Variants in PAQR4 observed in about 807,000 individuals in gnomAD.
The protein encoded by PAQR4 is progestin and adipoQ receptor family member 4.
Under a neutral mutation model 20.9 loss-of-function variants are expected in PAQR4, and 26 were observed. The ratio of observed to expected loss-of-function variants is 1.24; its 90% CI spans 0.91 to 1.73. The LOEUF is 1.73. Among genes scored for constraint, PAQR4 ranks in the 40% most tolerant of loss-of-function variants. PAQR4 has a pLI of 0.00. For synonymous variants in PAQR4, 193 were observed against 171.6 expected, an observed-to-expected ratio of 1.12 and a Z score of -0.97; for missense variants, 400 against 380.1, an observed-to-expected ratio of 1.05 and a Z score of -0.44.
In PAQR4 at chr16:2,971,606, C is replaced by T. The variant is rs774764936; in HGVS notation, c.480C>T (p.Ala160=). 5.6e-6 allele frequency: 9 copies of T among 1,603,174 alleles called. No individual in the cohort carries two copies. The East Asian group carries it at 6.7e-5, about 12-fold the overall frequency. The change falls in exon 3 of 3, where the codon GCC becomes GCT. Residue 160 remains alanine, a synonymous_variant. Coordinates refer to ENST00000318782, the MANE Select transcript of PAQR4 (RefSeq NM_152341.5). ...LVGYTVLSGV[A]GWRALTAPST... The stretch of plus-strand genomic sequence containing the variant: ...GCTACACTGTGTTGTCGGGTGTGGC[C>T]GGCTGGCGTGCTCTCACCGCCCCCT...
rs771612587 is a variant in PAQR4 at position 2,971,159 on chromosome 16, C to T, written c.169C>T (p.Leu57=). The change falls in exon 2 of 3, where the codon CTG becomes TTG. Residue 57 remains leucine, a splice_region_variant and synonymous_variant. Coordinates refer to ENST00000318782, the MANE Select transcript of PAQR4 (RefSeq NM_152341.5). Reference sequence around the variant, plus strand: ...TAGATGACTGTCTCCCTCCCTAGGGCTGGCCCTGCTGGGCTTCCTGGTGCT... The same window carrying T: ...TAGATGACTGTCTCCCTCCCTAGGGTTGGCCCTGCTGGGCTTCCTGGTGCT... The part of the protein sequence containing the change: ...NELGNIYTHG[L]ALLGFLVLVP... The T allele has an allele frequency of 1.9e-6, 3 of 1,613,060 alleles. No individual in the cohort carries two copies. The East Asian group carries it at 6.7e-5, about 36-fold the overall frequency.
In PAQR4 at chr16:2,972,888, G is replaced by A; in HGVS notation, c.*940G>A. The A allele has an allele frequency of 1.3e-6, 2 of 1,545,866 alleles. No homozygotes were observed. Among genetic ancestry groups the A allele is most frequent in the South Asian group, 2.4e-5 (2 of 84,448 alleles). On this transcript the variant is annotated 3_prime_UTR_variant, in exon 3 of 3. Coordinates refer to ENST00000318782, the MANE Select transcript of PAQR4 (RefSeq NM_152341.5). ...CCATGGGAGTTCCCGAGGGGCCCCA[G>A]CTTTCAAGGGCGACGGGAGAGACAC...
At position 2,972,135 on chromosome 16, in the gene PAQR4, C is replaced by T. The variant is rs956365100; in HGVS notation, c.*187C>T. On this transcript the variant is annotated 3_prime_UTR_variant, in exon 3 of 3. Transcript: ENST00000318782. ...CACCCACGCCGTGGCGCTCCAACTTCCTTCCCTGCCTTTTCCCTCCAAGCT... is the reference window on the plus strand; with the variant it reads ...CACCCACGCCGTGGCGCTCCAACTTTCTTCCCTGCCTTTTCCCTCCAAGCT... 1 of 605,814 alleles carries T rather than the reference C, an allele frequency of 1.7e-6. No homozygotes were observed. The allele number at this position is 605,814 out of a possible 1,614,324, so 37.5% of individuals were successfully genotyped here. A position where few individuals can be genotyped will look rare whatever the true frequency, so the allele number is the denominator to read the frequency against.
rs1254779721 is a variant in PAQR4 at position 2,971,988 on chromosome 16, A to G, written c.*40A>G. The G allele has an allele frequency of 6.6e-7, 1 of 1,508,434 alleles. No individual in the cohort carries two copies. The highest frequency in any genetic ancestry group is 8.8e-7 in the Non-Finnish European group (1 of 1,132,524). 93.4% of individuals were successfully genotyped at this position (1,508,434 alleles called of 1,614,324 possible). A position where few individuals can be genotyped will look rare whatever the true frequency, so the allele number is the denominator to read the frequency against. On this transcript the variant is annotated 3_prime_UTR_variant, in exon 3 of 3. Coordinates refer to ENST00000318782, the MANE Select transcript of PAQR4 (RefSeq NM_152341.5). ...CTGCCCACAGCAGCCTCCTAGAGTT[A>G]GCAACACCAGGTGTTCCTCCCAACT...
chr16:2,972,956 G>T lies in PAQR4; in HGVS notation c.*1008G>T. The T allele has an allele frequency of 6.2e-7, 1 of 1,604,002 alleles. No homozygotes were observed. Among genetic ancestry groups the T allele is most frequent in the Non-Finnish European group, 8.5e-7 (1 of 1,175,968 alleles). On this transcript the variant is annotated 3_prime_UTR_variant, in exon 3 of 3. Transcript: ENST00000318782. ...GTGCAGAGGCAGAGTCTGGGGCTCA[G>T]GTTGGGTCTAGGGTGTCCTCAAACA...
Position 2,971,201 on chromosome 16 carries a change from C to G in PAQR4, c.211C>G (p.Pro71Ala). ...GFLVLVPMTM[P>A]WGQLGKDGWL... is the part of the protein sequence containing the mutation. ...CCTGGTGCTGGTGCCAATGACCATG[C>G]CCTGGGGTCAGCTGGGCAAGGATGG... Residue 71 changes from proline to alanine, a missense_variant, in exon 2 of 3, where the codon CCC (proline) becomes GCC (alanine). By Grantham distance (27) the Pro-to-Ala change is conservative (BLOSUM62 -1). Coordinates refer to ENST00000318782, the MANE Select transcript of PAQR4 (RefSeq NM_152341.5). 1 of 1,613,406 alleles carries G rather than the reference C, an allele frequency of 6.2e-7. No individual in the cohort carries two copies. The highest frequency in any genetic ancestry group is 8.5e-7 in the Non-Finnish European group (1 of 1,180,006).
chr16:2,969,971 C>G, intron 1 of PAQR4, 131 bp downstream of exon 1: 1 of 1,216,466 alleles, frequency 8.2e-7, no homozygotes, highest in Admixed American at 2.8e-5. Context: ...CCGCCAGTAG[C>G]CGCGGTGACA....
In PAQR4 at chr16:2,971,352, G is replaced by T. The variant is rs1277632234; in HGVS notation, c.362G>T (p.Cys121Phe). Reference protein sequence around the residue: ...VYARLLALDMCGVCLVNTLGA... With the variant: ...VYARLLALDMFGVCLVNTLGA... ...GCCCGGCTCCTCGCCCTGGACATGT[G>T]TGGGGTCTGCCTTGTCAACACCCTT... is the stretch of plus-strand genomic sequence containing the variant. The change falls in exon 2 of 3, where the codon TGT becomes TTT. Residue 121 changes from cysteine (C) to phenylalanine (F), a missense_variant. Cys to Phe is a radical substitution (Grantham distance 205). Coordinates refer to ENST00000318782, the MANE Select transcript of PAQR4 (RefSeq NM_152341.5). 6.2e-7 allele frequency: 1 copy of T among 1,610,604 alleles called. No homozygotes were observed. The highest frequency in any genetic ancestry group is 8.5e-7 in the Non-Finnish European group (1 of 1,179,972).
Position 2,971,196 on chromosome 16 carries a change from C to A in PAQR4, c.206C>A (p.Thr69Asn), listed in dbSNP as rs2071977125. ...LLGFLVLVPMTMPWGQLGKDG... is the reference protein window; with the variant it reads ...LLGFLVLVPMNMPWGQLGKDG... ...GGCTTCCTGGTGCTGGTGCCAATGA[C>A]CATGCCCTGGGGTCAGCTGGGCAAG... The change falls in exon 2 of 3, where the codon ACC (threonine) becomes AAC (asparagine). Residue 69 changes from threonine to asparagine, a missense_variant. Transcript: ENST00000318782. 1 of 1,613,322 alleles carries A rather than the reference C, an allele frequency of 6.2e-7. No homozygotes were observed. The highest frequency in any genetic ancestry group is 1.3e-5 in the African/African-American group (1 of 74,954).
Position 2,972,556 on chromosome 16 carries a change from G to C in PAQR4, c.*608G>C, listed in dbSNP as rs557234590. The C allele has an allele frequency of 2.5e-4, 357 of 1,455,452 alleles. 2 individuals are homozygous for C. In the East Asian group the frequency reaches 8.8e-3, roughly 36 times the overall value. 90.2% of individuals were successfully genotyped at this position (1,455,452 alleles called of 1,614,324 possible). On this transcript the variant is annotated 3_prime_UTR_variant, in exon 3 of 3. Coordinates refer to ENST00000318782, the MANE Select transcript of PAQR4 (RefSeq NM_152341.5). ...AGGAAACTGACACAGGGAGCTCAGC[G>C]GCCTCAGATCCTGGGACCCCTGGGC...
chr16:2,972,856 G>C lies in PAQR4; in HGVS notation c.*908G>C. The C allele has an allele frequency of 6.5e-7, 1 of 1,534,868 alleles. No individual in the cohort carries two copies. The highest frequency in any genetic ancestry group is 8.8e-7 in the Non-Finnish European group (1 of 1,134,720). On this transcript the variant is annotated 3_prime_UTR_variant, in exon 3 of 3. Coordinates refer to ENST00000318782, the MANE Select transcript of PAQR4 (RefSeq NM_152341.5). Reference sequence around the variant, plus strand: ...ACTTTTTATTAGACACGGCCAGGCAGAGAAGACCATGGGAGTTCCCGAGGG... The same window carrying C: ...ACTTTTTATTAGACACGGCCAGGCACAGAAGACCATGGGAGTTCCCGAGGG...
Position 2,972,917 on chromosome 16 carries a change from ATAAAAGGT to A in PAQR4, c.*976_*983del. On this transcript the variant is annotated 3_prime_UTR_variant, in exon 3 of 3. Transcript: ENST00000318782. ...TCAAGGGCGACGGGAGAGACACAGG[ATAAAAGGT>A]TAAAAGTGCAGAGGCAGAGTCTGGG... is the stretch of plus-strand genomic sequence containing the variant. 2 of 1,574,240 alleles carry A rather than the reference ATAAAAGGT, an allele frequency of 1.3e-6. No homozygotes were observed. The highest frequency in any genetic ancestry group is 8.6e-7 in the Non-Finnish European group (1 of 1,159,042).
chr16:2,972,678 A>G lies in PAQR4; in HGVS notation c.*730A>G, dbSNP rs1188032505. On this transcript the variant is annotated 3_prime_UTR_variant, in exon 3 of 3. Coordinates refer to ENST00000318782, the MANE Select transcript of PAQR4 (RefSeq NM_152341.5). ...AGGAAACCTCTTTGCTCCACACAGC[A>G]TGGGGCTTCAGCTGCTGGCCCAAGG... The G allele has an allele frequency of 5.2e-6, 8 of 1,535,838 alleles. 1 individual carries two copies. In the Admixed American group the frequency reaches 7.8e-5, roughly 15 times the overall value.
Position 2,971,684 on chromosome 16 carries a change from G to C in PAQR4, c.558G>C (p.Leu186=). 6.2e-7 allele frequency: 1 copy of C among 1,612,070 alleles called. No individual in the cohort carries two copies. Among genetic ancestry groups the C allele is most frequent in the Non-Finnish European group, 8.5e-7 (1 of 1,179,860 alleles). Reference sequence around the variant, plus strand: ...GATGGCAGGCTGCTGCCCGCCTACTGGTATTTGGGGCCCGGGGAGTGGGTC... The same window carrying C: ...GATGGCAGGCTGCTGCCCGCCTACTCGTATTTGGGGCCCGGGGAGTGGGTC... ...AFGWQAAARL[L]VFGARGVGLG... Residue 186 remains leucine, a synonymous_variant, in exon 3 of 3, where the codon CTG becomes CTC. Transcript: ENST00000318782.
Position 2,969,728 on chromosome 16 carries a change from C to T in PAQR4, c.54C>T (p.His18=). The part of the protein sequence containing the change: ...RLLDWASSPP[H]LQFNKFVLTG... ...TGGACTGGGCCAGCTCGCCGCCGCA[C>T]CTGCAGTTCAATAAGTTCGTGCTGA... The change falls in exon 1 of 3, where the codon CAC becomes CAT. Residue 18 remains histidine, a synonymous_variant. Coordinates refer to ENST00000318782, the MANE Select transcript of PAQR4 (RefSeq NM_152341.5). 1 of 1,608,186 alleles carries T rather than the reference C, an allele frequency of 6.2e-7. No individual in the cohort carries two copies. Among genetic ancestry groups the T allele is most frequent in the Non-Finnish European group, 8.5e-7 (1 of 1,178,022 alleles).
Position 2,973,089 on chromosome 16 carries a change from C to T in PAQR4, c.*1141C>T. On this transcript the variant is annotated 3_prime_UTR_variant, in exon 3 of 3. Coordinates refer to ENST00000318782, the MANE Select transcript of PAQR4 (RefSeq NM_152341.5). The stretch of plus-strand genomic sequence containing the variant: ...CCTGGGAGGAGAGAGTAGTGACACT[C>T]AGGATCCAAAAGCTAGCCCTGCCCA... 6.3e-7 allele frequency: 1 copy of T among 1,579,404 alleles called. No homozygotes were observed. The highest frequency in any genetic ancestry group is 8.6e-7 in the Non-Finnish European group (1 of 1,161,248).
chr16:2,969,448 GT>G lies in PAQR4; in HGVS notation c.-226del, dbSNP rs1596436437. 1 of 265,332 alleles carries G rather than the reference GT, an allele frequency of 3.8e-6. No individual in the cohort carries two copies. Among genetic ancestry groups the G allele is most frequent in the East Asian group, 7.8e-5 (1 of 12,786 alleles). 16.4% of individuals were successfully genotyped at this position (265,332 alleles called of 1,614,324 possible). On this transcript the variant is annotated 5_prime_UTR_variant, in exon 1 of 3. Coordinates refer to ENST00000318782, the MANE Select transcript of PAQR4 (RefSeq NM_152341.5). The stretch of plus-strand genomic sequence containing the variant: ...CGCAGTGCGCTCAGGCGTCCGGTGC[GT>G]CCCCAGCCTCCGCCCCGGCGCGGGG...
rs757453723 is a variant in PAQR4, at chr16:2,971,763, G to A, written c.637G>A (p.Ala213Thr). The change falls in exon 3 of 3, where the codon GCG becomes ACG. Residue 213 changes from alanine to threonine, a missense_variant. Physicochemically the swap from Ala to Thr is moderately conservative, Grantham distance 58 (BLOSUM62 0). Coordinates refer to ENST00000318782, the MANE Select transcript of PAQR4 (RefSeq NM_152341.5). Reference sequence around the variant, plus strand: ...CTGCTACCTGCGCATGGACGCACTGGCGCTGCTTGGGGGACTGGTAAATGT... The same window carrying A: ...CTGCTACCTGCGCATGGACGCACTGACGCTGCTTGGGGGACTGGTAAATGT... ...LPCYLRMDAL[A>T]LLGGLVNVAR... 5 of 1,612,962 alleles carry A rather than the reference G, an allele frequency of 3.1e-6. No individual in the cohort carries two copies. The highest frequency in any genetic ancestry group is 3.4e-6 in the Non-Finnish European group (4 of 1,179,902).
rs1328420581 is a variant in PAQR4 at position 2,972,790 on chromosome 16, G to A, written c.*842G>A. Reference sequence around the variant, plus strand: ...TCAATAAAGGGACAGGAAGGGCCATGTTGCCACATGAGCAAGCTTGGGTGC... The same window carrying A: ...TCAATAAAGGGACAGGAAGGGCCATATTGCCACATGAGCAAGCTTGGGTGC... On this transcript the variant is annotated 3_prime_UTR_variant, in exon 3 of 3. Transcript: ENST00000318782. 3.9e-6 allele frequency: 6 copies of A among 1,539,986 alleles called. No homozygotes were observed. The highest frequency in any genetic ancestry group is 5.2e-6 in the Non-Finnish European group (6 of 1,143,306).
Sources: gnomAD v4.1 joint callset for allele counts on GRCh38, gnomAD v4.1.1 for gene constraint, MANE v1.5 for transcripts, NCBI Gene and HGNC (gene_info 2026-07-23, HGNC 2026-07-21) for gene names.